The following TMEM260 variants were observed in gnomAD, a reference collection of about 807,000 sequenced individuals.
TMEM260 encodes the protein protein O-mannosyl-transferase TMEM260.
In TMEM260, 82 loss-of-function variants were observed where a neutral mutation model predicts 88.9. That is an observed-to-expected ratio of 0.92 (90% CI 0.77 to 1.11). The LOEUF (loss-of-function observed/expected upper bound fraction) is 1.11, where lower values mean the gene tolerates loss of function less well. Among genes scored for constraint, TMEM260 ranks in the 50% least tolerant of loss-of-function variants. The pLI is 0.00. For missense variants in TMEM260, 902 were observed against 853.4 expected (o/e 1.06, Z -0.71); for synonymous variants, 314 against 309.3 (o/e 1.02, Z -0.16).
chr14:56,651,720 GAT>G (rs1226921401), downstream of TMEM260, among the ~76,000 whole-genome samples: 4 of 152,166 alleles, frequency 2.6e-5, no homozygotes, highest in African/African-American at 4.8e-5. Flanking sequence ...GTTGCCATTA[GAT>G]GAGGATAAGT....
At chr14:56,651,894 C>A (rs1171404277), downstream of TMEM260, among the ~76,000 whole-genome samples, 1 of 152,168 alleles carries the variant, frequency 6.6e-6, no homozygotes, top group Non-Finnish European at 1.5e-5. Flanking sequence ...AGATTATGTC[C>A]TGTTTTTAAA....
chr14:56,613,309 T>C (rs1008587089), intron 7 of TMEM260: 1 of 152,216 alleles, frequency 6.6e-6, no homozygotes. Flanking sequence ...TCTCACAGTT[T>C]CGGTGTAATT....
In TMEM260 at chr14:56,605,664, T is replaced by C. The variant is rs1264722780; in HGVS notation, c.617T>C (p.Phe206Ser). ...TTGTGCATAATACCTTGGATTCTCTTTCAACTTTTAAAAAAGAAGGTACGT... is the reference window on the plus strand; with the variant it reads ...TTGTGCATAATACCTTGGATTCTCTCTCAACTTTTAAAAAAGAAGGTACGT... ...YVLCIIPWIL[F>S]QLLKKKELSL... The change falls in exon 5 of 16, where the codon TTT becomes TCT. Residue 206 changes from phenylalanine (F) to serine (S), a missense_variant. Transcript: ENST00000261556. 6.3e-7 allele frequency: 1 copy of C among 1,575,104 alleles called. No homozygotes were observed. The highest frequency in any genetic ancestry group is 8.6e-7 in the Non-Finnish European group (1 of 1,161,988).
chr14:56,584,928 T>A, intron 1 of TMEM260, 73 bp from the exon 2 acceptor site: 1 of 1,279,128 alleles, frequency 7.8e-7, no homozygotes, highest in Non-Finnish European at 1.1e-6. Context: ...AATGCAAGCA[T>A]TTGGATTTTG....
At chr14:56,622,667 G>A (rs1888004745) in intron 11 of TMEM260, among the ~76,000 whole-genome samples, 1 of 151,918 alleles carries the variant, frequency 6.6e-6, no homozygotes, top group African/African-American at 2.4e-5. Flanking sequence ...TACATAAAAG[G>A]GAAGAAACCT....
intron 15 of TMEM260, among the ~76,000 whole-genome samples, chr14:56,644,874 C>A (rs1425991828): frequency 6.6e-6 from 1 of 151,908 alleles, no homozygotes; most frequent in Non-Finnish European, 1.5e-5. Flanking sequence ...TTTATGCAGC[C>A]AAAAAAACAC....
intron 3 of TMEM260, among the ~76,000 whole-genome samples, chr14:56,596,381 A>AGAGTGTGT (rs1555334739): frequency 0.044 from 5,613 of 126,352 alleles, 172 homozygotes; most frequent in Non-Finnish European, 0.066. Context: ...TATATGTGAG[A>AGAGTGTGT]GTGTGTGTGT....
intron 6 of TMEM260, 42 bp downstream of exon 6, chr14:56,609,327 A>G (rs1421713056): frequency 6.4e-7 from 1 of 1,566,560 alleles, no homozygotes; most frequent in Non-Finnish European, 8.8e-7. Flanking sequence ...ACAAGTGGCA[A>G]AACTTCAGTG....
At chr14:56,586,539 A>C (rs1260711906) in intron 3 of TMEM260, among the ~76,000 whole-genome samples, 2 of 152,074 alleles carry the variant, frequency 1.3e-5, no homozygotes, top group African/African-American at 4.8e-5. Flanking sequence ...CTGGTAACCC[A>C]TTGTCTTTGA....
chr14:56,614,213 A>G lies in TMEM260; in HGVS notation c.858-1731A>G, dbSNP rs913631577. On this transcript the variant is annotated intron_variant, in intron 7 of 15. Coordinates refer to ENST00000261556, the MANE Select transcript of TMEM260 (RefSeq NM_017799.4). The stretch of plus-strand genomic sequence containing the variant: ...AGTGAGCTAACACAACCGGCCTACA[A>G]AACATTAAAAAAAAAAAAAAAAAAG... 6.5e-5 allele frequency among the ~76,000 whole-genome samples: 8 copies of G among 122,896 alleles called. No individual in the cohort carries two copies. In the South Asian group the frequency reaches 8.4e-4, roughly 13 times the overall value. 80.6% of individuals were successfully genotyped at this position (122,896 alleles called of 152,430 possible).
In TMEM260 at chr14:56,636,736, C is replaced by T. The variant is rs1889120709; in HGVS notation, c.1869+138C>T. On this transcript the variant is annotated intron_variant, in intron 15 of 15. Transcript: ENST00000261556. Reference sequence around the variant, plus strand: ...TCAATTTGGGTGGTATAAAGCAGCACATATGAACAAATCCTCAGTTGTATC... The same window carrying T: ...TCAATTTGGGTGGTATAAAGCAGCATATATGAACAAATCCTCAGTTGTATC... 5 of 722,416 alleles carry T rather than the reference C, an allele frequency of 6.9e-6. No individual in the cohort carries two copies. The Admixed American group carries it at 1.3e-4, about 18-fold the overall frequency. 44.8% of individuals were successfully genotyped at this position (722,416 alleles called of 1,614,324 possible). A position where few individuals can be genotyped will look rare whatever the true frequency, so the allele number is the denominator to read the frequency against.
upstream of TMEM260, chr14:56,579,795 C>T: frequency 2.0e-6 from 2 of 1,010,336 alleles, no homozygotes; most frequent in South Asian, 5.2e-5. Flanking sequence ...CCCGCGGAGG[C>T]TCGACCCGGA....
intron 3 of TMEM260, among the ~76,000 whole-genome samples, chr14:56,596,556 C>G (rs1886244080): frequency 6.7e-6 from 1 of 150,142 alleles, no homozygotes. Context: ...CACCTGAGGT[C>G]AGGAGTTCAA....
At chr14:56,585,726 T>C (rs1162170489) in intron 2 of TMEM260, 35 bp from the exon 3 acceptor site, 1 of 1,600,074 alleles carries the variant, frequency 6.2e-7, no homozygotes, top group South Asian at 1.1e-5. Flanking sequence ...CTTTCCTAGA[T>C]GAAAACCTTC....
the TMEM260 span, among the ~76,000 whole-genome samples, chr14:56,661,343 G>T: frequency 6.6e-6 from 1 of 152,198 alleles, no homozygotes; most frequent in African/African-American, 2.4e-5. Context: ...CACAAAGCCT[G>T]CTTCTGGGTA....
chr14:56,646,868 C>A (rs1300022399), intron 15 of TMEM260, among the ~76,000 whole-genome samples: 1 of 144,054 alleles, frequency 6.9e-6, no homozygotes, highest in Non-Finnish European at 1.5e-5. Context: ...TTTTTTTGTT[C>A]TCCAACAGCT....
intron 10 of TMEM260, 64 bp from the exon 11 acceptor site, chr14:56,621,467 C>T: frequency 8.1e-7 from 1 of 1,234,388 alleles, no homozygotes; most frequent in Non-Finnish European, 1.1e-6. Flanking sequence ...AGAAAATAAG[C>T]CTAGTCTTAT....
In TMEM260 at chr14:56,585,782, C is replaced by A; in HGVS notation, c.214C>A (p.Pro72Thr). ...GTAGGTTGCCCATCCTCCTGGCTAT[C>A]CTTTGTTCACGCTGGTGGCTAAACT... ...ELGVAHPPGYPLFTLVAKLAI... is the reference protein window; with the variant it reads ...ELGVAHPPGYTLFTLVAKLAI... The change falls in exon 3 of 16, where the codon CCT (proline) becomes ACT (threonine). Residue 72 changes from proline to threonine, a missense_variant. Transcript: ENST00000261556. The A allele has an allele frequency of 6.2e-7, 1 of 1,612,976 alleles. No homozygotes were observed. The highest frequency in any genetic ancestry group is 8.5e-7 in the Non-Finnish European group (1 of 1,179,496).
chr14:56,603,906 T>A lies in TMEM260; in HGVS notation c.436T>A (p.Phe146Ile). 1 of 1,613,696 alleles carries A rather than the reference T, an allele frequency of 6.2e-7. No individual in the cohort carries two copies. Among genetic ancestry groups the A allele is most frequent in the Non-Finnish European group, 8.5e-7 (1 of 1,179,824 alleles). ...TWQWSIAAEV[F>I]SLNNLFVGLL... Reference sequence around the variant, plus strand: ...GCAGTGGTCCATTGCAGCAGAGGTTTTTAGCTTAAACAATCTCTTTGTGGG... The same window carrying A: ...GCAGTGGTCCATTGCAGCAGAGGTTATTAGCTTAAACAATCTCTTTGTGGG... Residue 146 changes from phenylalanine to isoleucine, a missense_variant, in exon 4 of 16, where the codon TTT becomes ATT. Transcript: ENST00000261556.
Sources: gnomAD v4.1 joint callset for allele counts (sites outside exome capture counted in the v4.1 genomes callset) on GRCh38, gnomAD v4.1.1 for gene constraint, MANE v1.5 for transcripts, NCBI Gene and HGNC (gene_info 2026-07-23, HGNC 2026-07-21) for gene names.